The following SOX6 variants were observed in gnomAD, a reference collection of about 807,000 sequenced individuals.
The protein encoded by SOX6 is SRY-box transcription factor 6.
In SOX6, 11 loss-of-function variants were observed where a neutral mutation model predicts 97.8. The observed-to-expected ratio is 0.11, with a 90% CI of 0.07 to 0.19. The LOEUF is 0.19. Among genes scored for constraint, SOX6 ranks in the 10% least tolerant of loss-of-function variants. The pLI is 1.00. For synonymous variants in SOX6, 360 were observed against 371.4 expected (o/e 0.97, Z 0.35); for missense variants, 810 against 1,039.5 (o/e 0.78, Z 3.04).
intron 7 of SOX6, 144 bp downstream of exon 7, chr11:16,111,659 C>A: frequency 8.9e-7 from 1 of 1,124,802 alleles, no homozygotes; most frequent in Non-Finnish European, 1.3e-6. Flanking sequence ...CCACTCTTCC[C>A]AATTCTAATT....
intron 7 of SOX6, among the ~76,000 whole-genome samples, chr11:16,109,153 T>C (rs1849166737): frequency 6.6e-6 from 1 of 152,144 alleles, no homozygotes; most frequent in Non-Finnish European, 1.5e-5. Flanking sequence ...AAAAATTTAG[T>C]CATTGCTGTC....
chr11:16,553,117 A>G (rs1159464316), intron 4 of SOX6, among the ~76,000 whole-genome samples: 1 of 152,184 alleles, frequency 6.6e-6, no homozygotes, highest in East Asian at 1.9e-4. Context: ...TTCTTTTTTT[A>G]TAACTTTCCT....
chr11:16,029,670 C>T (rs1178098079), intron 12 of SOX6, among the ~76,000 whole-genome samples: 2 of 150,858 alleles, frequency 1.3e-5, no homozygotes, highest in African/African-American at 2.4e-5. Flanking sequence ...GATTGTCTAA[C>T]GAGAATTAAC....
At chr11:16,637,818 C>G (rs1022256500) in intron 3 of SOX6, among the ~76,000 whole-genome samples, 1 of 151,902 alleles carries the variant, frequency 6.6e-6, no homozygotes, top group Non-Finnish European at 1.5e-5. Flanking sequence ...GGGAAAGGTA[C>G]AGTGTGCAGG....
At chr11:16,505,850 G>A (rs1860777351) in intron 4 of SOX6, among the ~76,000 whole-genome samples, 1 of 152,198 alleles carries the variant, frequency 6.6e-6, no homozygotes, top group Admixed American at 6.5e-5. Flanking sequence ...CAAGCTGGGA[G>A]CCACCAAGGT....
intron 4 of SOX6, among the ~76,000 whole-genome samples, chr11:16,587,781 C>T (rs1296411103): frequency 6.6e-6 from 1 of 152,196 alleles, no homozygotes. Context: ...AAGAGGTTAA[C>T]TAACAGACTT....
intron 4 of SOX6, among the ~76,000 whole-genome samples, chr11:16,490,444 A>C (rs1860493697): frequency 6.6e-6 from 1 of 152,006 alleles, no homozygotes; most frequent in South Asian, 2.1e-4. Flanking sequence ...TTGTTTCCTG[A>C]GATATTAATA....
chr11:16,720,188 A>C (rs1293975660), intron 2 of SOX6, among the ~76,000 whole-genome samples: 1 of 151,538 alleles, frequency 6.6e-6, no homozygotes, highest in African/African-American at 2.4e-5. Flanking sequence ...CCATCCCATT[A>C]CTGGGTATAT....
intron 1 of SOX6, among the ~76,000 whole-genome samples, chr11:16,475,732 C>T (rs907377762): frequency 2.6e-5 from 4 of 152,082 alleles, no homozygotes; most frequent in Admixed American, 2.6e-4. Context: ...TGAGCACATG[C>T]TGTTGGAAAA....
At chr11:16,070,742 C>G (rs965487734) in intron 9 of SOX6, among the ~76,000 whole-genome samples, 2 of 152,040 alleles carry the variant, frequency 1.3e-5, no homozygotes, top group African/African-American at 4.8e-5. Context: ...GCCAGGAGAA[C>G]TTCTCTAACA....
chr11:16,525,902 A>G (rs1018381876), intron 4 of SOX6, among the ~76,000 whole-genome samples: 13,556 of 151,876 alleles, frequency 0.089, 764 homozygotes, highest in Non-Finnish European at 0.13. Context: ...ATCACTGGCC[A>G]TCAGAGAAAT....
Position 16,341,125 on chromosome 11 carries a change from G to T in SOX6, c.124C>A (p.Pro42Thr). 6.2e-7 allele frequency: 1 copy of T among 1,613,568 alleles called. No individual in the cohort carries two copies. The highest frequency in any genetic ancestry group is 8.5e-7 in the Non-Finnish European group (1 of 1,179,604). The change falls in exon 2 of 16, where the codon CCT becomes ACT. Residue 42 changes from proline (P) to threonine (T), a missense_variant. Around this residue, in one of 9 missense-constraint regions of SOX6, gnomAD observed 100 missense variants for 94.6 expected, o/e 1.06. Transcript: ENST00000683767. ...TTGTTGTGCATTATGGGGTGCAGAG[G>T]CAGATGGGAGGCCACATGTTGATCA... ...GSDQHVASHLPLHPIMHNKPH... is the reference protein window; with the variant it reads ...GSDQHVASHLTLHPIMHNKPH...
At chr11:16,452,534 A>AT in intron 1 of SOX6, among the ~76,000 whole-genome samples, 1 of 152,286 alleles carries the variant, frequency 6.6e-6, no homozygotes, top group African/African-American at 2.4e-5. Context: ...TTTAAGCTTG[A>AT]TTTTGAGGAA....
intron 9 of SOX6, among the ~76,000 whole-genome samples, chr11:16,083,994 T>C (rs1399256121): frequency 6.6e-6 from 1 of 152,112 alleles, no homozygotes; most frequent in East Asian, 1.9e-4. Context: ...AAGGCTTTAT[T>C]TTCAATAACA....
chr11:16,298,845 C>T (rs1855171267), intron 3 of SOX6, among the ~76,000 whole-genome samples: 1 of 151,864 alleles, frequency 6.6e-6, no homozygotes, highest in African/African-American at 2.4e-5. Flanking sequence ...AGATTAAATA[C>T]TCCTACCAAG....
At chr11:16,034,269 T>TG (rs1447493261) in intron 12 of SOX6, among the ~76,000 whole-genome samples, 1 of 152,184 alleles carries the variant, frequency 6.6e-6, no homozygotes. Flanking sequence ...CTAAGGCCAT[T>TG]GCGCAATGCA....
Position 16,139,123 on chromosome 11 carries a change from A to G in SOX6, c.778-27200T>C, listed in dbSNP as rs1321366167. 2.6e-5 allele frequency among the ~76,000 whole-genome samples: 4 copies of G among 152,282 alleles called. No homozygotes were observed. In the East Asian group the frequency reaches 5.8e-4, roughly 22 times the overall value. On this transcript the variant is annotated intron_variant, in intron 6 of 15. Transcript: ENST00000683767. ...CAATATATCCCATCAGGTAATATACATCAATTTATCCCATCACTGTTAATG... is the reference window on the plus strand; with the variant it reads ...CAATATATCCCATCAGGTAATATACGTCAATTTATCCCATCACTGTTAATG...
chr11:16,721,843 G>A (rs1243502460), intron 2 of SOX6, among the ~76,000 whole-genome samples: 1 of 151,492 alleles, frequency 6.6e-6, no homozygotes, highest in Non-Finnish European at 1.5e-5. Context: ...ACAGAAAATT[G>A]CACAGACAAA....
At chr11:16,147,709 AT>A (rs1306044835) in intron 6 of SOX6, among the ~76,000 whole-genome samples, 2 of 152,050 alleles carry the variant, frequency 1.3e-5, no homozygotes, top group Non-Finnish European at 2.9e-5. Context: ...TACTTCTCAC[AT>A]TTCTTATCTC....
Sources: allele counts gnomAD v4.1 joint callset (sites outside exome capture counted in the v4.1 genomes callset), GRCh38; gene constraint gnomAD v4.1.1; regional missense constraint gnomAD v4.1.1; transcripts MANE v1.5; gene names NCBI Gene and HGNC (gene_info 2026-07-23, HGNC 2026-07-21).